Variants in WDR43 observed in about 807,000 individuals in gnomAD.
WDR43 encodes the protein WD repeat-containing protein 43.
A neutral mutation model predicts 91.4 loss-of-function variants in WDR43; 13 were observed. That is an observed-to-expected ratio of 0.14 (90% confidence interval 0.09 to 0.23). WDR43 has a LOEUF of 0.23. Ranked by LOEUF, WDR43 falls within the 10% of genes least tolerant of loss-of-function variation. The probability of loss-of-function intolerance (pLI) is 1.00; values close to 1 mark genes in which losing one functional copy is unlikely to be tolerated. For missense variants in WDR43, 780 were observed against 809.4 expected (o/e 0.96, Z 0.44); for synonymous variants, 331 against 287.9 (o/e 1.15, Z -1.51).
chr2:28,933,706 A>T (rs1005556633), intron 11 of WDR43, among the ~76,000 whole-genome samples: 2 of 152,328 alleles, frequency 1.3e-5, no homozygotes, highest in Middle Eastern at 3.4e-3. Flanking sequence ...TAGAATTCAA[A>T]TGGCCAGTAA....
chr2:28,910,180 G>A (rs1670763613), intron 3 of WDR43, among the ~76,000 whole-genome samples: 1 of 152,148 alleles, frequency 6.6e-6, no homozygotes, highest in African/African-American at 2.4e-5. Flanking sequence ...AAGCTCCTGA[G>A]GGATTAGGGT....
intron 1 of WDR43, among the ~76,000 whole-genome samples, chr2:28,901,782 G>C (rs1241027548): frequency 6.6e-6 from 1 of 152,094 alleles, no homozygotes; most frequent in African/African-American, 2.4e-5. Context: ...CATAGGGGTG[G>C]GAGACGGGGG....
At chr2:28,930,640 A>G (rs959420200) in intron 11 of WDR43, among the ~76,000 whole-genome samples, 1 of 152,236 alleles carries the variant, frequency 6.6e-6, no homozygotes. Flanking sequence ...GTAGAAAACA[A>G]TTGACAGTGT....
chr2:28,910,316 A>G (rs552481790), intron 3 of WDR43, among the ~76,000 whole-genome samples: 5 of 152,328 alleles, frequency 3.3e-5, no homozygotes, highest in Middle Eastern at 3.4e-3. Flanking sequence ...ATATGTATCA[A>G]CGTAGTAAGT....
intron 1 of WDR43, among the ~76,000 whole-genome samples, chr2:28,899,305 G>A (rs1013250475): frequency 9.2e-5 from 14 of 152,198 alleles, no homozygotes; most frequent in South Asian, 2.1e-4. Context: ...CATATTTGCC[G>A]TGTCTAATGC....
At chr2:28,903,262 ATTG>A (rs1442189300) in intron 2 of WDR43, among the ~76,000 whole-genome samples, 4 of 152,150 alleles carry the variant, frequency 2.6e-5, no homozygotes, top group African/African-American at 4.8e-5. Context: ...AGATTTTTAA[ATTG>A]TTGTAAAACA....
At chr2:28,912,490 T>C in intron 3 of WDR43, 100 bp from the exon 4 acceptor site, 5 of 1,445,362 alleles carry the variant, frequency 3.5e-6, no homozygotes, top group Non-Finnish European at 4.7e-6. Context: ...CCTGAGGCGA[T>C]ATTTTTAATG....
In WDR43 at chr2:28,894,669, A is replaced by C; in HGVS notation, c.-30A>C. 3 of 1,526,196 alleles carry C rather than the reference A, an allele frequency of 2.0e-6. No homozygotes were observed. The highest frequency in any genetic ancestry group is 2.6e-6 in the Non-Finnish European group (3 of 1,133,542). 94.5% of individuals were successfully genotyped at this position (1,526,196 alleles called of 1,614,324 possible). A position where few individuals can be genotyped will look rare whatever the true frequency, so the allele number is the denominator to read the frequency against. ...CGCCGGTGCGCCTGCGCACGGACGA[A>C]CACGTGGCTGCAGCGGGGCCAGAGC... is the stretch of plus-strand genomic sequence containing the variant. On this transcript the variant is annotated 5_prime_UTR_variant, in exon 1 of 18. Transcript: ENST00000407426.
Position 28,946,465 on chromosome 2 carries a change from A to T in WDR43, c.1820A>T (p.Glu607Val). The T allele has an allele frequency of 6.2e-7, 1 of 1,612,002 alleles. No individual in the cohort carries two copies. The change falls in exon 17 of 18, where the codon GAG (glutamate) becomes GTG (valine). Residue 607 changes from glutamate (E) to valine (V), a missense_variant. Transcript: ENST00000407426. ...CCCCTTACAGAGTCTTCTGAAGAGGAGTCTGATGATGAAATAGCAGATAAG... is the reference window on the plus strand; with the variant it reads ...CCCCTTACAGAGTCTTCTGAAGAGGTGTCTGATGATGAAATAGCAGATAAG... ...LVYEEESSEE[E>V]SDDEIADKDS... is the part of the protein sequence containing the mutation.
chr2:28,940,293 G>A (rs7603749), intron 14 of WDR43, among the ~76,000 whole-genome samples: 102,131 of 151,308 alleles, frequency 0.67, 35,087 homozygotes, highest in East Asian at 0.85. Context: ...GCAATGGCAC[G>A]ATCTTGGCTC....
Position 28,947,872 on chromosome 2 carries a change from T to G in WDR43, c.*1093T>G, listed in dbSNP as rs936755047. The G allele has an allele frequency of 5.4e-5, 8 of 147,772 alleles. No homozygotes were observed. The highest frequency in any genetic ancestry group is 1.3e-4 in the Admixed American group (2 of 15,000). The allele number at this position is 147,772 out of a possible 1,614,324, so 9.2% of individuals were successfully genotyped here. On this transcript the variant is annotated 3_prime_UTR_variant, in exon 18 of 18. Coordinates refer to ENST00000407426, the MANE Select transcript of WDR43 (RefSeq NM_015131.3). ...GCAAATTATCAGTAGTAGTTTTTTTTTTTTTTTTTTTTTTTTTAAAGAATG... is the reference window on the plus strand; with the variant it reads ...GCAAATTATCAGTAGTAGTTTTTTTGTTTTTTTTTTTTTTTTTAAAGAATG...
intron 1 of WDR43, 77 bp downstream of exon 1, chr2:28,895,000 T>C (rs2148174126): frequency 1.5e-6 from 2 of 1,360,762 alleles, no homozygotes; most frequent in Non-Finnish European, 1.9e-6. Flanking sequence ...TGGCGCGTGG[T>C]CCGGCATCGC....
In WDR43 at chr2:28,929,681, T is replaced by C. The variant is rs954673122; in HGVS notation, c.1408T>C (p.Leu470=). ...NSFPVLLTQG[L]ESNDFEMLNK... ...CTTTCCAGTTCTTCTTACCCAGGGCTTAGAAAGTAACGATTTTGAAATGCT... is the reference window on the plus strand; with the variant it reads ...CTTTCCAGTTCTTCTTACCCAGGGCCTAGAAAGTAACGATTTTGAAATGCT... Residue 470 remains leucine (L), a synonymous_variant, in exon 11 of 18, where the codon TTA becomes CTA. Transcript: ENST00000407426. 6.2e-7 allele frequency: 1 copy of C among 1,613,152 alleles called. No individual in the cohort carries two copies. The highest frequency in any genetic ancestry group is 1.3e-5 in the African/African-American group (1 of 74,870).
At chr2:28,903,301 A>G (rs1269501489) in intron 2 of WDR43, among the ~76,000 whole-genome samples, 1 of 152,220 alleles carries the variant, frequency 6.6e-6, no homozygotes, top group Non-Finnish European at 1.5e-5. Flanking sequence ...ATGGATTCAC[A>G]GAATTACTAA....
At chr2:28,931,499 A>G (rs6547898) in intron 11 of WDR43, among the ~76,000 whole-genome samples, 110,021 of 152,122 alleles carry the variant, frequency 0.72, 39,895 homozygotes, top group East Asian at 0.85. Flanking sequence ...CTAGTAGAGC[A>G]TTCCATGTTC....
rs1274824817 is a variant in WDR43, at chr2:28,913,558, A to G, written c.607-511A>G. Reference sequence around the variant, plus strand: ...GATGATTATGGTAATTTTGATTTCTAGCCTACATCCAGCATTTAGTCCACT... The same window carrying G: ...GATGATTATGGTAATTTTGATTTCTGGCCTACATCCAGCATTTAGTCCACT... On this transcript the variant is annotated intron_variant, in intron 4 of 17. Coordinates refer to ENST00000407426, the MANE Select transcript of WDR43 (RefSeq NM_015131.3). The G allele has an allele frequency of 9.5e-6, 4 of 419,198 alleles. No homozygotes were observed. The East Asian group carries it at 1.8e-4, about 19-fold the overall frequency. 26.0% of individuals were successfully genotyped at this position (419,198 alleles called of 1,614,324 possible).
At chr2:28,945,842 A>G (rs1266617520) in intron 16 of WDR43, among the ~76,000 whole-genome samples, 1 of 152,178 alleles carries the variant, frequency 6.6e-6, no homozygotes, top group Non-Finnish European at 1.5e-5. Context: ...TTAGTACTTT[A>G]TGGGTTAAAT....
chr2:28,908,449 C>T lies in WDR43; in HGVS notation c.485+1868C>T, dbSNP rs148376446. Among the ~76,000 whole-genome samples the T allele has an allele frequency of 1.4e-3, 208 of 152,232 alleles. 1 individual carries two copies. The highest frequency in any genetic ancestry group is 4.7e-3 in the African/African-American group (196 of 41,532). ...GTTAGTAACCTGTTAGAAATGCCTG[C>T]AGAGGTTCTGATCCAGTAGGTCTGG... is the stretch of plus-strand genomic sequence containing the variant. On this transcript the variant is annotated intron_variant, in intron 3 of 17. Transcript: ENST00000407426.
At chr2:28,910,498 C>A (rs1023643101) in intron 3 of WDR43, among the ~76,000 whole-genome samples, 1 of 151,856 alleles carries the variant, frequency 6.6e-6, no homozygotes, top group African/African-American at 2.4e-5. Flanking sequence ...TGTATTTTTC[C>A]TATGAATTGC....
Sources: allele counts gnomAD v4.1 joint callset (sites outside exome capture counted in the v4.1 genomes callset), GRCh38; gene constraint gnomAD v4.1.1; transcripts MANE v1.5; gene names NCBI Gene and HGNC (gene_info 2026-07-23, HGNC 2026-07-21).